Variants in COL22A1 observed in about 807,000 individuals in gnomAD.
The protein encoded by COL22A1 is collagen alpha-1(XXII) chain.
Under a neutral mutation model 248.9 loss-of-function variants are expected in COL22A1, and 221 were observed. The ratio of observed to expected loss-of-function variants is 0.89; its 90% confidence interval spans 0.80 to 0.99. The LOEUF is 0.99. Ranked by LOEUF, COL22A1 falls within the 50% of genes least tolerant of loss-of-function variation. The pLI, the probability that COL22A1 is intolerant of heterozygous loss-of-function variation, is 0.00. For synonymous variants in COL22A1, 891 were observed against 793.4 expected (o/e 1.12, Z -2.07); for missense variants, 2,240 against 2,179.0 (o/e 1.03, Z -0.56).
chr8:138,632,567 AC>A, intron 49 of COL22A1, among the ~76,000 whole-genome samples: 1 of 152,296 alleles, frequency 6.6e-6, no homozygotes, highest in South Asian at 2.1e-4. Flanking sequence ...ATTGTTGCAT[AC>A]TTTTATCAAG....
intron 19 of COL22A1, 110 bp downstream of exon 19, chr8:138,755,675 C>G: frequency 7.2e-7 from 1 of 1,389,748 alleles, no homozygotes; most frequent in Non-Finnish European, 1.0e-6. Flanking sequence ...AGCCTTCTAT[C>G]CAACCCATGT....
intron 64 of COL22A1, among the ~76,000 whole-genome samples, chr8:138,591,168 C>A (rs1268589449): frequency 1.3e-5 from 2 of 152,126 alleles, no homozygotes; most frequent in African/African-American, 4.8e-5. Flanking sequence ...TTCCCAGGAC[C>A]ATTTCATGAA....
At chr8:138,782,353 G>C (rs1815089485) in intron 12 of COL22A1, among the ~76,000 whole-genome samples, 1 of 152,130 alleles carries the variant, frequency 6.6e-6, no homozygotes, top group African/African-American at 2.4e-5. Context: ...GTGTAGCTCG[G>C]ACTACATGCA....
At chr8:138,634,875 A>T (rs1821017638) in intron 49 of COL22A1, 135 bp downstream of exon 49, 1 of 708,924 alleles carries the variant, frequency 1.4e-6, no homozygotes, top group Non-Finnish European at 2.4e-6. Context: ...TTTTAGGACA[A>T]CTCTGTCACC....
rs55690333 is a variant in COL22A1 at position 138,862,759 on chromosome 8, GTTTT to G, written c.658+14987_658+14990del. On this transcript the variant is annotated intron_variant, in intron 3 of 64. Coordinates refer to ENST00000303045, the MANE Select transcript of COL22A1 (RefSeq NM_152888.3). ...AAAATGTTTGCAGCAAAGATACAAG[GTTTT>G]TTTTTTTTTTTTTCATGTTTTCAGG... 1.0e-3 allele frequency among the ~76,000 whole-genome samples: 151 copies of G among 145,736 alleles called. 1 individual carries two copies. The highest frequency in any genetic ancestry group is 4.9e-3 in the East Asian group (24 of 4,942).
intron 22 of COL22A1, among the ~76,000 whole-genome samples, chr8:138,745,198 T>C (rs982037403): frequency 7.9e-5 from 12 of 152,110 alleles, no homozygotes; most frequent in Non-Finnish European, 1.8e-4. Flanking sequence ...TTCTTTTTTT[T>C]TTTTAAATCT....
Position 138,737,566 on chromosome 8 carries a change from A to C in COL22A1, c.2097T>G (p.Gly699=). ...CAGGGATTCCAGGTGGTCCCATGTC[A>C]CCTTTCTTCCCCTGAGTGTAAAAGA... ...PGLQGLRGKK[G]DMGPPGIPGL... Residue 699 remains glycine, a synonymous_variant, in exon 23 of 65, where the codon GGT becomes GGG. Transcript: ENST00000303045. 1 of 1,610,674 alleles carries C rather than the reference A, an allele frequency of 6.2e-7. No individual in the cohort carries two copies. The highest frequency in any genetic ancestry group is 8.5e-7 in the Non-Finnish European group (1 of 1,177,060).
intron 11 of COL22A1, 50 bp from the exon 12 acceptor site, chr8:138,796,907 A>C: frequency 8.2e-7 from 1 of 1,222,158 alleles, no homozygotes; most frequent in Non-Finnish European, 1.2e-6. Flanking sequence ...TCTCCATGGC[A>C]TGACATTGCA....
intron 30 of COL22A1, among the ~76,000 whole-genome samples, chr8:138,713,750 T>C (rs1428830766): frequency 6.6e-6 from 1 of 151,240 alleles, no homozygotes; most frequent in African/African-American, 2.5e-5. Context: ...GCAACTGCAG[T>C]TGTCTCACCA....
At chr8:138,619,184 C>T (rs1819562252) in intron 53 of COL22A1, among the ~76,000 whole-genome samples, 1 of 152,106 alleles carries the variant, frequency 6.6e-6, no homozygotes, top group South Asian at 2.1e-4. Flanking sequence ...TTCTATTATC[C>T]AGAGAAAACC....
intron 7 of COL22A1, among the ~76,000 whole-genome samples, chr8:138,816,907 T>C (rs1818726573): frequency 6.6e-6 from 1 of 152,206 alleles, no homozygotes; most frequent in South Asian, 2.1e-4. Context: ...ATGGGTGTAA[T>C]ACCCCCATGG....
chr8:138,836,979 A>G (rs981970313), intron 4 of COL22A1, among the ~76,000 whole-genome samples: 1 of 152,178 alleles, frequency 6.6e-6, no homozygotes, highest in African/African-American at 2.4e-5. Context: ...CTGCTCCCAC[A>G]CAGAGTTCCA....
At chr8:138,727,512 G>C (rs1216034208) in intron 23 of COL22A1, among the ~76,000 whole-genome samples, 1 of 152,164 alleles carries the variant, frequency 6.6e-6, no homozygotes, top group Non-Finnish European at 1.5e-5. Context: ...GCCAGAAGCC[G>C]AGAGCCTGGG....
intron 57 of COL22A1, among the ~76,000 whole-genome samples, chr8:138,607,505 G>T (rs1818512605): frequency 6.6e-6 from 1 of 151,948 alleles, no homozygotes; most frequent in Non-Finnish European, 1.5e-5. Flanking sequence ...AGCTCTCTCT[G>T]CTACCTACCT....
At chr8:138,805,041 T>C in intron 10 of COL22A1, among the ~76,000 whole-genome samples, 1 of 117,848 alleles carries the variant, frequency 8.5e-6, no homozygotes, top group Non-Finnish European at 1.7e-5. Context: ...GTGTGTGTGA[T>C]GGTGTGTGTA....
At chr8:138,812,243 C>G (rs1441498279) in intron 8 of COL22A1, among the ~76,000 whole-genome samples, 2 of 152,218 alleles carry the variant, frequency 1.3e-5, no homozygotes, top group Non-Finnish European at 2.9e-5. Context: ...ACTCCACAAC[C>G]AGGTCCATCT....
chr8:138,713,664 C>A (rs1242731297), intron 30 of COL22A1, among the ~76,000 whole-genome samples: 1 of 152,006 alleles, frequency 6.6e-6, no homozygotes, highest in Non-Finnish European at 1.5e-5. Context: ...TAAAGCCTCA[C>A]CCCTGACTCC....
chr8:138,628,609 A>G lies in COL22A1; in HGVS notation c.3663+2086T>C, dbSNP rs189333927. Among the ~76,000 whole-genome samples the G allele has an allele frequency of 4.1e-3, 626 of 152,308 alleles. 5 individuals are homozygous for G. Among genetic ancestry groups the G allele is most frequent in the African/African-American group, 0.014 (565 of 41,554 alleles). ...ACTGGGCAAACAAAACTTCCAGTAT[A>G]TTCTGGTTTGATGGTTATGGTAAAG... On this transcript the variant is annotated intron_variant, in intron 50 of 64. Coordinates refer to ENST00000303045, the MANE Select transcript of COL22A1 (RefSeq NM_152888.3).
chr8:138,880,118 C>CA (rs779554280), intron 2 of COL22A1, among the ~76,000 whole-genome samples: 19 of 151,408 alleles, frequency 1.3e-4, no homozygotes, highest in Admixed American at 2.0e-4. Context: ...AGCAACATGG[C>CA]AAAAAAAATG....
Sources: gnomAD v4.1 joint callset for allele counts (sites outside exome capture counted in the v4.1 genomes callset) on GRCh38, gnomAD v4.1.1 for gene constraint, MANE v1.5 for transcripts, NCBI Gene and HGNC (gene_info 2026-07-23, HGNC 2026-07-21) for gene names.